Variants in TTLL11 observed in about 807,000 individuals in gnomAD.
TTLL11 encodes the protein tubulin polyglutamylase TTLL11.
TTLL11 carries 42 observed loss-of-function variants against 51.7 expected under a neutral mutation model. That is an observed-to-expected ratio of 0.81 (90% CI 0.64 to 1.05). The LOEUF is 1.05. Among genes scored for constraint, TTLL11 ranks in the 50% least tolerant of loss-of-function variants. The probability of loss-of-function intolerance (pLI) is 0.00; values close to 1 mark genes in which losing one functional copy is unlikely to be tolerated. For missense variants in TTLL11, 799 were observed against 940.4 expected (o/e 0.85, Z 1.97); for synonymous variants, 381 against 383.5 (o/e 0.99, Z 0.08).
intron 6 of TTLL11, among the ~76,000 whole-genome samples, chr9:121,880,873 G>A (rs980163173): frequency 6.6e-6 from 1 of 152,238 alleles, no homozygotes. Flanking sequence ...TGGCCTAAGC[G>A]AGGAGGCTGG....
intron 1 of TTLL11, among the ~76,000 whole-genome samples, chr9:122,060,575 G>C (rs1044194022): frequency 1.3e-5 from 2 of 152,194 alleles, no homozygotes; most frequent in African/African-American, 2.4e-5. Context: ...ACACAAGCTA[G>C]TGCCAGTGCC....
At chr9:121,942,519 G>C (rs1290130283) in intron 6 of TTLL11, among the ~76,000 whole-genome samples, 3 of 152,006 alleles carry the variant, frequency 2.0e-5, no homozygotes, top group African/African-American at 7.3e-5. Context: ...CCAGCTCCTA[G>C]AAGAGTGCCC....
chr9:121,939,212 T>A (rs1341851086), intron 6 of TTLL11, among the ~76,000 whole-genome samples: 1 of 152,186 alleles, frequency 6.6e-6, no homozygotes, highest in Non-Finnish European at 1.5e-5. Flanking sequence ...TTGCTTATAA[T>A]AAAACTGGGG....
intron 6 of TTLL11, among the ~76,000 whole-genome samples, chr9:121,883,998 C>T (rs145013276): frequency 0.012 from 1,817 of 152,326 alleles, 37 homozygotes; most frequent in African/African-American, 0.041. Context: ...CAGCACCAAA[C>T]CCACAGGGCT....
intron 3 of TTLL11, among the ~76,000 whole-genome samples, chr9:122,006,997 A>AAC (rs1554781304): frequency 0.02 from 2,963 of 145,794 alleles, 197 homozygotes; most frequent in African/African-American, 0.073. Context: ...AAAAAAAAAA[A>AAC]AAAAAAAAAA....
At chr9:122,000,741 G>T (rs1463296238) in intron 3 of TTLL11, among the ~76,000 whole-genome samples, 1 of 152,066 alleles carries the variant, frequency 6.6e-6, no homozygotes, top group Non-Finnish European at 1.5e-5. Flanking sequence ...GCTGCCCTCG[G>T]GGCTGTTGTA....
chr9:121,996,653 C>T (rs1047580784), intron 3 of TTLL11, among the ~76,000 whole-genome samples: 1 of 152,192 alleles, frequency 6.6e-6, no homozygotes, highest in African/African-American at 2.4e-5. Context: ...ATTACTTTTG[C>T]ACCAACCTAA....
chr9:122,029,246 GTTATT>G (rs1226084765), intron 3 of TTLL11, among the ~76,000 whole-genome samples: 1 of 151,932 alleles, frequency 6.6e-6, no homozygotes, highest in Non-Finnish European at 1.5e-5. Flanking sequence ...ACTTTTTATT[GTTATT>G]TTAGAGTGTA....
intron 6 of TTLL11, among the ~76,000 whole-genome samples, chr9:121,922,787 GCA>G (rs1840590434): frequency 4.6e-5 from 7 of 151,702 alleles, no homozygotes; most frequent in Non-Finnish European, 7.4e-5. Context: ...GTGTGTGTGT[GCA>G]TGCACATGTG....
At chr9:122,020,920 T>C (rs1161657406) in intron 3 of TTLL11, among the ~76,000 whole-genome samples, 1 of 152,212 alleles carries the variant, frequency 6.6e-6, no homozygotes, top group African/African-American at 2.4e-5. Context: ...TCACCCAGTT[T>C]ATGATATTCA....
chr9:122,040,249 T>A (rs1348430821), intron 1 of TTLL11: 2 of 520,516 alleles, frequency 3.8e-6, no homozygotes, highest in African/African-American at 4.1e-5. Flanking sequence ...TCAGACTGAG[T>A]GGCCTCAGAC....
At chr9:121,831,961 C>T (rs909604265) in intron 8 of TTLL11, among the ~76,000 whole-genome samples, 8 of 152,140 alleles carry the variant, frequency 5.3e-5, no homozygotes, top group African/African-American at 1.9e-4. Flanking sequence ...GGTAAGGGCT[C>T]TCTTCCTGGT....
chr9:122,078,088 GTAGT>G (rs1845904812), intron 1 of TTLL11, among the ~76,000 whole-genome samples: 1 of 152,114 alleles, frequency 6.6e-6, no homozygotes, highest in Non-Finnish European at 1.5e-5. Context: ...AGCTAAAGCA[GTAGT>G]TAGAGGCAAA....
chr9:121,972,224 C>A (rs1842598127), intron 6 of TTLL11, among the ~76,000 whole-genome samples: 1 of 152,028 alleles, frequency 6.6e-6, no homozygotes, highest in Non-Finnish European at 1.5e-5. Flanking sequence ...CTACCCAAAT[C>A]TCCTTACAGT....
intron 3 of TTLL11, among the ~76,000 whole-genome samples, chr9:122,029,423 G>A (rs1168441139): frequency 6.6e-6 from 1 of 152,198 alleles, no homozygotes; most frequent in Non-Finnish European, 1.5e-5. Flanking sequence ...GGAGGTGGAA[G>A]ACAGTGATAT....
chr9:122,034,389 C>T (rs1279938217), intron 2 of TTLL11, among the ~76,000 whole-genome samples: 1 of 152,188 alleles, frequency 6.6e-6, no homozygotes, highest in Non-Finnish European at 1.5e-5. Flanking sequence ...CCAAGTTTAC[C>T]TTCATGTCTC....
intron 6 of TTLL11, among the ~76,000 whole-genome samples, chr9:121,915,417 C>T (rs1189175296): frequency 1.3e-5 from 2 of 152,216 alleles, no homozygotes; most frequent in African/African-American, 4.8e-5. Flanking sequence ...GCAGACAGGA[C>T]ACCTCCCAAA....
chr9:121,883,095 T>C (rs1838859177), intron 6 of TTLL11, among the ~76,000 whole-genome samples: 1 of 152,306 alleles, frequency 6.6e-6, no homozygotes, highest in South Asian at 2.1e-4. Context: ...GGGTGACCTT[T>C]GGGCGTCATT....
At chr9:121,984,254 G>T (rs57195947) in intron 4 of TTLL11, among the ~76,000 whole-genome samples, 10,184 of 152,202 alleles carry the variant, frequency 0.067, 656 homozygotes, top group African/African-American at 0.16. Flanking sequence ...GGTTTAAAAT[G>T]TGAATATTTC....
Sources: allele counts gnomAD v4.1 joint callset (sites outside exome capture counted in the v4.1 genomes callset), GRCh38; gene constraint gnomAD v4.1.1; transcripts MANE v1.5; gene names NCBI Gene and HGNC (gene_info 2026-07-23, HGNC 2026-07-21).